Variants in TAOK3 observed in about 807,000 individuals in gnomAD.
TAOK3 encodes the protein serine/threonine-protein kinase TAO3.
A neutral mutation model predicts 120.4 loss-of-function variants in TAOK3; 40 were observed. The observed-to-expected ratio is 0.33, with a 90% CI of 0.26 to 0.43. The LOEUF is 0.43. Among genes scored for constraint, TAOK3 ranks in the 20% least tolerant of loss-of-function variants. The pLI is 1.00. For synonymous variants in TAOK3, 355 were observed against 387.5 expected, an observed-to-expected ratio of 0.92 and a Z score of 0.99; for missense variants, 821 against 1,112.1, an observed-to-expected ratio of 0.74 and a Z score of 3.72.
At chr12:118,217,866 T>C (rs1173191342) in intron 9 of TAOK3, among the ~76,000 whole-genome samples, 9 of 33,476 alleles carry the variant, frequency 2.7e-4, no homozygotes, top group Non-Finnish European at 6.7e-4. Context: ...TATATACACT[T>C]TTTTTTTTTT....
At chr12:118,343,846 A>G (rs1195517430) in intron 1 of TAOK3, among the ~76,000 whole-genome samples, 1 of 151,904 alleles carries the variant, frequency 6.6e-6, no homozygotes, top group Non-Finnish European at 1.5e-5. Context: ...CCCTGTCTCT[A>G]CTAAAAATAC....
At chr12:118,250,822 C>T (rs2040718685) in intron 3 of TAOK3, among the ~76,000 whole-genome samples, 6 of 152,140 alleles carry the variant, frequency 3.9e-5, no homozygotes, top group Admixed American at 3.9e-4. Context: ...TTAGGGAGGT[C>T]AGGAAAGCCT....
chr12:118,370,548 T>C (rs1593728947), intron 1 of TAOK3, among the ~76,000 whole-genome samples: 1 of 152,194 alleles, frequency 6.6e-6, no homozygotes, highest in South Asian at 2.1e-4. Flanking sequence ...TCATTTTCGA[T>C]GTCTGCTTCT....
intron 1 of TAOK3, among the ~76,000 whole-genome samples, chr12:118,335,245 T>A (rs2044319867): frequency 6.7e-6 from 1 of 148,174 alleles, no homozygotes; most frequent in Non-Finnish European, 1.5e-5. Flanking sequence ...CTTACCACAA[T>A]AACATAAAAA....
At chr12:118,333,776 T>A (rs1233237146) in intron 1 of TAOK3, among the ~76,000 whole-genome samples, 1 of 150,924 alleles carries the variant, frequency 6.6e-6, no homozygotes, top group Non-Finnish European at 1.5e-5. Flanking sequence ...TTTTTTTTCC[T>A]CAAAAAATTA....
intron 1 of TAOK3, among the ~76,000 whole-genome samples, chr12:118,357,277 C>G (rs909440294): frequency 1.3e-5 from 2 of 152,164 alleles, no homozygotes; most frequent in African/African-American, 4.8e-5. Flanking sequence ...TATTAGTATG[C>G]TATATTTTAT....
chr12:118,153,388 G>A (rs572749311), intron 19 of TAOK3, among the ~76,000 whole-genome samples: 1 of 152,188 alleles, frequency 6.6e-6, no homozygotes, highest in African/African-American at 2.4e-5. Context: ...CTCCAGCTTG[G>A]CAGACAGAGA....
chr12:118,321,506 T>C (rs1384915426), intron 1 of TAOK3, among the ~76,000 whole-genome samples: 2 of 152,144 alleles, frequency 1.3e-5, no homozygotes, highest in African/African-American at 2.4e-5. Flanking sequence ...GCAATCCTCC[T>C]ACCTCGGTTT....
chr12:118,249,560 T>TAAC (rs1456911368), intron 3 of TAOK3, among the ~76,000 whole-genome samples: 46 of 107,236 alleles, frequency 4.3e-4, no homozygotes, highest in African/African-American at 1.6e-3. Context: ...AGATTTTGTC[T>TAAC]AAAAAAAAAA....
intron 1 of TAOK3, among the ~76,000 whole-genome samples, chr12:118,319,180 T>C (rs1201954855): frequency 6.6e-6 from 1 of 152,198 alleles, no homozygotes; most frequent in Non-Finnish European, 1.5e-5. Flanking sequence ...TATGCATATA[T>C]CAAAACATCA....
At chr12:118,235,702 T>G (rs1320237089) in intron 7 of TAOK3, 31 bp from the exon 8 acceptor site, 1 of 1,452,844 alleles carries the variant, frequency 6.9e-7, no homozygotes, top group Non-Finnish European at 9.6e-7. Flanking sequence ...GTTAGAAAAT[T>G]ACTTTTCAAT....
At chr12:118,177,105 C>T in intron 16 of TAOK3, 96 bp downstream of exon 16, 1 of 1,327,352 alleles carries the variant, frequency 7.5e-7, no homozygotes. Flanking sequence ...TTGAGACTCA[C>T]TGGACTAGAA....
At chr12:118,333,879 T>C (rs1056637204) in intron 1 of TAOK3, among the ~76,000 whole-genome samples, 1 of 150,872 alleles carries the variant, frequency 6.6e-6, no homozygotes, top group East Asian at 1.9e-4. Context: ...CTCACGCCTG[T>C]AATCCCAGCA....
intron 11 of TAOK3, 21 bp downstream of exon 11, chr12:118,212,893 A>C (rs749397660): frequency 2.0e-6 from 3 of 1,536,118 alleles, no homozygotes; most frequent in South Asian, 2.3e-5. Context: ...CCCCTCCTCA[A>C]ATATAAATTT....
At chr12:118,188,128 G>A (rs571794959) in intron 14 of TAOK3, among the ~76,000 whole-genome samples, 4 of 152,278 alleles carry the variant, frequency 2.6e-5, no homozygotes, top group South Asian at 2.1e-4. Context: ...AAAGCCACTT[G>A]GTATAATGTC....
chr12:118,220,753 G>A (rs1352400234), intron 9 of TAOK3, among the ~76,000 whole-genome samples: 1 of 152,032 alleles, frequency 6.6e-6, no homozygotes, highest in Non-Finnish European at 1.5e-5. Flanking sequence ...CTCTGCCTAG[G>A]AACAAGCAGA....
chr12:118,278,796 G>T (rs1313136212), intron 1 of TAOK3, among the ~76,000 whole-genome samples: 2 of 152,056 alleles, frequency 1.3e-5, no homozygotes, highest in South Asian at 4.1e-4. Flanking sequence ...TACCTTGACA[G>T]CATCTGTTAT....
At chr12:118,217,839 A>ACACTTTTTTTTTTT (rs2039005677) in intron 9 of TAOK3, among the ~76,000 whole-genome samples, 1 of 106,234 alleles carries the variant, frequency 9.4e-6, no homozygotes, top group African/African-American at 3.3e-5. Context: ...ATATATATAT[A>ACACTTTTTTTTTTT]TATATATATA....
intron 13 of TAOK3, among the ~76,000 whole-genome samples, chr12:118,196,998 A>G (rs2037762152): frequency 6.6e-6 from 1 of 152,236 alleles, no homozygotes; most frequent in Non-Finnish European, 1.5e-5. Flanking sequence ...TATGTTCCCA[A>G]GTGAAAAAGT....
Sources: allele counts gnomAD v4.1 joint callset (sites outside exome capture counted in the v4.1 genomes callset), GRCh38; gene constraint gnomAD v4.1.1; transcripts MANE v1.5; gene names NCBI Gene and HGNC (gene_info 2026-07-23, HGNC 2026-07-21).